The following PCDHA8 variants were observed in gnomAD, a reference collection of about 807,000 sequenced individuals.
PCDHA8 encodes protocadherin alpha-8.
Under a neutral mutation model 61.8 loss-of-function variants are expected in PCDHA8, and 53 were observed. That is an observed-to-expected ratio of 0.86 (90% CI 0.69 to 1.08). The LOEUF (loss-of-function observed/expected upper bound fraction) is 1.08. PCDHA8 is among the 50% of genes least tolerant of loss of function. The pLI is 0.00. For missense variants in PCDHA8, 1,293 were observed against 1,245.0 expected, an observed-to-expected ratio of 1.04 and a Z score of -0.58; for synonymous variants, 618 against 556.6, an observed-to-expected ratio of 1.11 and a Z score of -1.55.
In PCDHA8 at chr5:140,858,397, C is replaced by T. The variant is rs781916951; in HGVS notation, c.2394+14682C>T. On this transcript the variant is annotated intron_variant, in intron 1 of 3. Coordinates refer to ENST00000531613, the MANE Select transcript of PCDHA8 (RefSeq NM_018911.3). ...CACCATGCCCAATGGTAGATGTGGA[C>T]GGGGAAGATCAGTCTATTGGAGGGG... is the stretch of plus-strand genomic sequence containing the variant. 2.5e-6 allele frequency: 4 copies of T among 1,573,184 alleles called. No individual in the cohort carries two copies. In the South Asian group the frequency reaches 4.5e-5, roughly 18 times the overall value.
chr5:140,937,835 C>T (rs782666689), intron 1 of PCDHA8, among the ~76,000 whole-genome samples: 3 of 151,520 alleles, frequency 2.0e-5, no homozygotes, highest in Non-Finnish European at 2.9e-5. Context: ...TGGCATGAAC[C>T]TGGAAGGCGG....
chr5:140,869,144 T>A, intron 1 of PCDHA8: 1 of 1,613,654 alleles, frequency 6.2e-7, no homozygotes, highest in Non-Finnish European at 8.5e-7. Context: ...ACCCCACGAC[T>A]ACAGCTCTGG....
chr5:140,930,358 T>A (rs1253370170), intron 1 of PCDHA8: 1 of 152,216 alleles, frequency 6.6e-6, no homozygotes, highest in African/African-American at 2.4e-5. Context: ...AATATTTCAA[T>A]TTATCTGTTA....
chr5:140,856,362 T>A, intron 1 of PCDHA8: 3 of 1,598,570 alleles, frequency 1.9e-6, no homozygotes, highest in Non-Finnish European at 2.6e-6. Flanking sequence ...AGCATCCACC[T>A]GGAGGTGATC....
chr5:140,969,198 C>T lies in PCDHA8; in HGVS notation c.2395-9751C>T, dbSNP rs2096305688. ...AGTGACACTTTCATGTTTTACAATA[C>T]AGGGGCCCAGACAGGACCAGGGCCT... On this transcript the variant is annotated intron_variant, in intron 1 of 3. Coordinates refer to ENST00000531613, the MANE Select transcript of PCDHA8 (RefSeq NM_018911.3). 1 of 1,614,166 alleles carries T rather than the reference C, an allele frequency of 6.2e-7. No individual in the cohort carries two copies. Among genetic ancestry groups the T allele is most frequent in the Non-Finnish European group, 8.5e-7 (1 of 1,180,032 alleles).
intron 1 of PCDHA8, chr5:140,877,781 T>C: frequency 6.2e-7 from 1 of 1,614,178 alleles, no homozygotes; most frequent in South Asian, 1.1e-5. Flanking sequence ...ACGGACCTCA[T>C]GGCCTTCAGC....
At chr5:140,991,167 G>T (rs186627829) in intron 3 of PCDHA8, among the ~76,000 whole-genome samples, 2 of 152,270 alleles carry the variant, frequency 1.3e-5, no homozygotes, top group Non-Finnish European at 2.9e-5. Flanking sequence ...TATTCCCATT[G>T]TCAAGCAGGA....
At chr5:140,870,956 G>A (rs1554164932) in intron 1 of PCDHA8, 1 of 1,613,634 alleles carries the variant, frequency 6.2e-7, no homozygotes, top group Non-Finnish European at 8.5e-7. Context: ...GGCGGCTCGC[G>A]CATCCCGTTC....
At chr5:140,980,237 A>C (rs1159780134) in intron 2 of PCDHA8, among the ~76,000 whole-genome samples, 1 of 152,238 alleles carries the variant, frequency 6.6e-6, no homozygotes, top group Non-Finnish European at 1.5e-5. Context: ...GTTGGTGGAG[A>C]CATGCAATGG....
Position 140,843,596 on chromosome 5 carries a change from T to A in PCDHA8, c.2275T>A (p.Cys759Ser). 6.3e-7 allele frequency: 1 copy of A among 1,596,026 alleles called. No homozygotes were observed. Among genetic ancestry groups the A allele is most frequent in the Non-Finnish European group, 8.6e-7 (1 of 1,165,498 alleles). The change falls in exon 1 of 4, where the codon TGC becomes AGC. Residue 759 changes from cysteine to serine, a missense_variant. By Grantham distance (112) the Cys-to-Ser change is moderately radical. Transcript: ENST00000531613. ...SYSQQQPQRV[C>S]SGEGPPKTDL... Reference sequence around the variant, plus strand: ...CTCGCAACAACAGCCGCAGAGGGTGTGCTCTGGTGAGGGGCCACCGAAGAC... The same window carrying A: ...CTCGCAACAACAGCCGCAGAGGGTGAGCTCTGGTGAGGGGCCACCGAAGAC...
At position 140,973,495 on chromosome 5, in the gene PCDHA8, T is replaced by TA. The variant is rs148545809; in HGVS notation, c.2395-5454_2395-5453insA. Among the ~76,000 whole-genome samples, 585 of 152,336 alleles carry TA rather than the reference T, an allele frequency of 3.8e-3. 2 individuals are homozygous for TA. Among genetic ancestry groups the TA allele is most frequent in the African/African-American group, 0.013 (553 of 41,574 alleles). ...AATTTCATATTGGTCACAGGACTCTTCTTCTGAGAAAAAGTTTATTTTCTT... is the reference window on the plus strand; with the variant it reads ...AATTTCATATTGGTCACAGGACTCTTACTTCTGAGAAAAAGTTTATTTTCTT... On this transcript the variant is annotated intron_variant, in intron 1 of 3. Coordinates refer to ENST00000531613, the MANE Select transcript of PCDHA8 (RefSeq NM_018911.3).
intron 1 of PCDHA8, chr5:140,858,628 C>T (rs574787408): frequency 1.8e-6 from 2 of 1,091,216 alleles, no homozygotes; most frequent in South Asian, 3.4e-5. Context: ...CCCAGTGTGT[C>T]AGCCTTTGAT....
In PCDHA8 at chr5:141,012,190, T is replaced by C. The variant is rs1002658582; in HGVS notation, c.*2253T>C. On this transcript the variant is annotated 3_prime_UTR_variant, in exon 4 of 4. Transcript: ENST00000531613. ...TTAATGATGATAATTATAATGTATCTGTACAGCACTTTTTACATTTGCGAA... is the reference window on the plus strand; with the variant it reads ...TTAATGATGATAATTATAATGTATCCGTACAGCACTTTTTACATTTGCGAA... The C allele has an allele frequency of 2.0e-5, 3 of 153,780 alleles. No homozygotes were observed. Among genetic ancestry groups the C allele is most frequent in the African/African-American group, 7.2e-5 (3 of 41,458 alleles). 9.5% of individuals were successfully genotyped at this position (153,780 alleles called of 1,614,324 possible).
intron 1 of PCDHA8, chr5:140,853,100 C>G: frequency 2.7e-6 from 1 of 369,590 alleles, no homozygotes; most frequent in Non-Finnish European, 3.8e-6. Flanking sequence ...AGGATGGTCT[C>G]GATCTCCTGA....
Position 140,868,506 on chromosome 5 carries a change from A to T in PCDHA8, c.2394+24791A>T, listed in dbSNP as rs1250178704. 3 of 152,422 alleles carry T rather than the reference A, an allele frequency of 2.0e-5. No individual in the cohort carries two copies. The East Asian group carries it at 5.8e-4, about 29-fold the overall frequency. 9.4% of individuals were successfully genotyped at this position (152,422 alleles called of 1,614,324 possible). On this transcript the variant is annotated intron_variant, in intron 1 of 3. Transcript: ENST00000531613. ...TTTTCTTTGAGTTCCCTAGCAGCCA[A>T]AGTAACAAGGGAGACTGAAAGTAAA... is the stretch of plus-strand genomic sequence containing the variant.
chr5:140,925,208 T>C (rs1201764361), intron 1 of PCDHA8, among the ~76,000 whole-genome samples: 2 of 152,190 alleles, frequency 1.3e-5, no homozygotes, highest in African/African-American at 4.8e-5. Context: ...TAATTATCGA[T>C]ACTTTTAGGC....
At chr5:140,948,764 G>T (rs962710607) in intron 1 of PCDHA8, among the ~76,000 whole-genome samples, 1 of 150,728 alleles carries the variant, frequency 6.6e-6, no homozygotes, top group African/African-American at 2.4e-5. Flanking sequence ...GATTTTTTTC[G>T]AATAGCCAGC....
intron 1 of PCDHA8, among the ~76,000 whole-genome samples, chr5:140,915,616 GTC>G (rs1166585947): frequency 7.5e-6 from 1 of 134,000 alleles, no homozygotes. Context: ...CTGTCAAACA[GTC>G]TCTTTCTGTC....
chr5:140,931,585 A>G (rs1170746678), intron 1 of PCDHA8, among the ~76,000 whole-genome samples: 2 of 152,056 alleles, frequency 1.3e-5, no homozygotes, highest in Non-Finnish European at 2.9e-5. Context: ...ATTCAGTTGA[A>G]CAGTCTTTTT....
Sources: allele counts gnomAD v4.1 joint callset (sites outside exome capture counted in the v4.1 genomes callset), GRCh38; gene constraint gnomAD v4.1.1; transcripts MANE v1.5; gene names NCBI Gene and HGNC (gene_info 2026-07-23, HGNC 2026-07-21).